Variants in PPP1R13L observed in about 807,000 individuals in gnomAD.
PPP1R13L encodes protein phosphatase 1 regulatory subunit 13 like, also known as relA-associated inhibitor.
In PPP1R13L, 50 loss-of-function variants were observed where a neutral mutation model predicts 80.9. The observed-to-expected ratio is 0.62, with a 90% CI of 0.49 to 0.78. The LOEUF is 0.78. Among genes scored for constraint, PPP1R13L ranks in the 30% least tolerant of loss-of-function variants. The pLI is 0.00. For synonymous variants in PPP1R13L, 602 were observed against 534.3 expected (o/e 1.13, Z -1.75); for missense variants, 1,200 against 1,205.9 (o/e 1.00, Z 0.07).
In PPP1R13L at chr19:45,385,890, T is replaced by C; in HGVS notation, c.2015A>G (p.Asn672Ser). Reference protein sequence around the residue: ...TALHNAICGANYSIVDFLITA... With the variant: ...TALHNAICGASYSIVDFLITA... The stretch of plus-strand genomic sequence containing the variant: ...GATGAGGAAATCCACGATAGAGTAG[T>C]TGGCGCCGCAGATGGCGTTGTGCAA... Residue 672 changes from asparagine (N) to serine (S), a missense_variant, in exon 10 of 13, where the codon AAC becomes AGC. By Grantham distance (46) the Asn-to-Ser change is conservative. Transcript: ENST00000360957. The C allele has an allele frequency of 6.2e-7, 1 of 1,611,408 alleles. No individual in the cohort carries two copies. The highest frequency in any genetic ancestry group is 8.5e-7 in the Non-Finnish European group (1 of 1,178,932).
intron 1 of PPP1R13L, among the ~76,000 whole-genome samples, chr19:45,399,172 T>G (rs1232359437): frequency 6.7e-6 from 1 of 148,548 alleles, no homozygotes; most frequent in African/African-American, 2.5e-5. Context: ...CTCGATCTCC[T>G]GACCGCGTGA....
chr19:45,395,796 A>G lies in PPP1R13L; in HGVS notation c.994T>C (p.Ser332Pro), dbSNP rs2123382512. ...CCCGACGGCCCCGCGGAGCCCAGCG[A>G]GCGCCGGTAGCTGCCCGCGTCTGAA... ...RRSDAGSYRR[S>P]LGSAGPSGTL... is the part of the protein sequence containing the mutation. The change falls in exon 7 of 13, where the codon TCG (serine) becomes CCG (proline). Residue 332 changes from serine to proline, a missense_variant. Ser to Pro is a moderately conservative substitution (Grantham distance 74). Coordinates refer to ENST00000360957, the MANE Select transcript of PPP1R13L (RefSeq NM_006663.4). 6.3e-7 allele frequency: 1 copy of G among 1,578,790 alleles called. No individual in the cohort carries two copies. Among genetic ancestry groups the G allele is most frequent in the Non-Finnish European group, 8.6e-7 (1 of 1,165,704 alleles).
chr19:45,396,915 G>T lies in PPP1R13L; in HGVS notation c.342C>A (p.Pro114=). Residue 114 remains proline, a synonymous_variant, in exon 4 of 13, where the codon CCC becomes CCA. Coordinates refer to ENST00000360957, the MANE Select transcript of PPP1R13L (RefSeq NM_006663.4). The surrounding 1 kb of genome is among the most constrained non-coding windows in gnomAD (Gnocchi z 5.3). ...PTLHPYSPLS[P]KGRPSSPRTP... is the part of the protein sequence containing the mutation. ...TGCGCGGCGACGACGGCCGTCCCTT[G>T]GGGGACAGCGGGCTGTAGGGGTGTA... The T allele has an allele frequency of 6.7e-7, 1 of 1,495,014 alleles. No homozygotes were observed. Among genetic ancestry groups the T allele is most frequent in the Non-Finnish European group, 8.8e-7 (1 of 1,130,908 alleles). 92.6% of individuals were successfully genotyped at this position (1,495,014 alleles called of 1,614,324 possible).
chr19:45,393,662 CAGG>C (rs1222919661), intron 7 of PPP1R13L, among the ~76,000 whole-genome samples: 5 of 152,096 alleles, frequency 3.3e-5, no homozygotes, highest in African/African-American at 1.2e-4. Flanking sequence ...ATCATGAGGT[CAGG>C]AGATCGAGAC....
rs1426977319 is a variant in PPP1R13L, at chr19:45,396,662, C to G, written c.595G>C (p.Glu199Gln). ...GGGGGGCGCGGTGACGGCCCACGCT[C>G]GGGGAAGAAGGCCTGGGGCCCCTCC... ...LAEGPQAFFPERGPSPRPPAT... is the reference protein window; with the variant it reads ...LAEGPQAFFPQRGPSPRPPAT... Residue 199 changes from glutamate to glutamine, a missense_variant, in exon 4 of 13, where the codon GAG becomes CAG. Glu to Gln is a conservative substitution (Grantham distance 29, BLOSUM62 2). Coordinates refer to ENST00000360957, the MANE Select transcript of PPP1R13L (RefSeq NM_006663.4). The surrounding 1 kb of genome is among the most constrained non-coding windows in gnomAD (Gnocchi z 5.3). The G allele has an allele frequency of 4.8e-6, 7 of 1,460,042 alleles. No individual in the cohort carries two copies. Among genetic ancestry groups the G allele is most frequent in the Non-Finnish European group, 6.3e-6 (7 of 1,116,900 alleles). 90.4% of individuals were successfully genotyped at this position (1,460,042 alleles called of 1,614,324 possible).
chr19:45,385,083 C>A (rs563983521), intron 11 of PPP1R13L, among the ~76,000 whole-genome samples: 1 of 152,136 alleles, frequency 6.6e-6, no homozygotes, highest in East Asian at 1.9e-4. Flanking sequence ...TCGCCCTGCC[C>A]GTCGGGGAAC....
intron 11 of PPP1R13L, among the ~76,000 whole-genome samples, chr19:45,383,168 G>A (rs1599761666): frequency 6.8e-6 from 1 of 146,992 alleles, no homozygotes; most frequent in East Asian, 2.0e-4. Flanking sequence ...CTAATTTTTG[G>A]TATTTTTAGT....
chr19:45,396,774 G>A lies in PPP1R13L; in HGVS notation c.483C>T (p.Pro161=), dbSNP rs1973108177. The change falls in exon 4 of 13, where the codon CCC becomes CCT. Residue 161 remains proline (P), a synonymous_variant. Coordinates refer to ENST00000360957, the MANE Select transcript of PPP1R13L (RefSeq NM_006663.4). This position sits in a 1 kb window ranked among gnomAD's most constrained non-coding sequence, Gnocchi z 5.3. ...SSLGRAPSPR[P]GPGPLRQQGP... The stretch of plus-strand genomic sequence containing the variant: ...CCTGCTGGCGGAGCGGGCCTGGCCC[G>A]GGCCGCGGGGAGGGCGCACGGCCGA... 2 of 1,354,644 alleles carry A rather than the reference G, an allele frequency of 1.5e-6. No homozygotes were observed. The highest frequency in any genetic ancestry group is 1.9e-6 in the Non-Finnish European group (2 of 1,063,942). 83.9% of individuals were successfully genotyped at this position (1,354,644 alleles called of 1,614,324 possible).
chr19:45,402,921 T>A (rs1973261746), intron 1 of PPP1R13L, among the ~76,000 whole-genome samples: 1 of 152,156 alleles, frequency 6.6e-6, no homozygotes, highest in Admixed American at 6.5e-5. Context: ...CAGACTGAGC[T>A]GGGAACACCC....
intron 1 of PPP1R13L, among the ~76,000 whole-genome samples, chr19:45,403,923 C>T (rs1973277862): frequency 6.6e-6 from 1 of 152,064 alleles, no homozygotes; most frequent in African/African-American, 2.4e-5. Context: ...CAGACAGACA[C>T]CTCCAGAATT....
chr19:45,392,379 G>A, intron 7 of PPP1R13L, 39 bp from the exon 8 acceptor site: 2 of 1,591,964 alleles, frequency 1.3e-6, no homozygotes, highest in Non-Finnish European at 1.7e-6. Context: ...CAGGTCCCCA[G>A]GAGACACCCA....
chr19:45,406,295 T>C, upstream of PPP1R13L: 2 of 1,077,750 alleles, frequency 1.9e-6, no homozygotes, highest in Non-Finnish European at 2.2e-6. This position sits in a 1 kb window ranked among gnomAD's most constrained non-coding sequence, Gnocchi z 4.2. Context: ...TTCTTACCTG[T>C]CTCTTCAAGA....
intron 8 of PPP1R13L, among the ~76,000 whole-genome samples, chr19:45,390,772 CA>C (rs1196913314): frequency 2.0e-5 from 3 of 152,050 alleles, no homozygotes; most frequent in African/African-American, 7.2e-5. Flanking sequence ...TTTTAGTAGA[CA>C]GGGGGTTTCA....
Position 45,396,127 on chromosome 19 carries a change from G to A in PPP1R13L, c.903+41C>T, listed in dbSNP as rs1243978873. ...ACCCCGCTCCCCCACCCCACTCCTC[G>A]ACCTTCCCCAGCCTCTCCTCCCCAG... On this transcript the variant is annotated intron_variant, in intron 6 of 12. Transcript: ENST00000360957. This position sits in a 1 kb window ranked among gnomAD's most constrained non-coding sequence, Gnocchi z 5.3. 2 of 1,551,982 alleles carry A rather than the reference G, an allele frequency of 1.3e-6. No homozygotes were observed. The highest frequency in any genetic ancestry group is 2.4e-5 in the East Asian group (1 of 41,642).
chr19:45,389,789 A>ATTTATTTATG (rs1972933912), intron 8 of PPP1R13L, among the ~76,000 whole-genome samples: 1 of 151,754 alleles, frequency 6.6e-6, no homozygotes, highest in Non-Finnish European at 1.5e-5. Context: ...TTATTTATTT[A>ATTTATTTATG]TTTATTTTTA....
In PPP1R13L at chr19:45,385,850, A is replaced by T. The variant is rs778678815; in HGVS notation, c.2055T>A (p.Asn685Lys). The T allele has an allele frequency of 6.2e-7, 1 of 1,611,250 alleles. No individual in the cohort carries two copies. ...IVDFLITAGA[N>K]VNSPDSHGWT... ...AGCCGTGGCTGTCGGGGGAGTTGAC[A>T]TTGGCACCCGCGGTGATGAGGAAAT... The change falls in exon 10 of 13, where the codon AAT becomes AAA. Residue 685 changes from asparagine (N) to lysine (K), a missense_variant. Transcript: ENST00000360957.
intron 7 of PPP1R13L, among the ~76,000 whole-genome samples, chr19:45,393,411 C>T (rs989049330): frequency 1.6e-4 from 24 of 147,042 alleles, no homozygotes; most frequent in Non-Finnish European, 3.6e-4. Flanking sequence ...GCCAACATGG[C>T]AAAACCTCAT....
At position 45,395,522 on chromosome 19, in the gene PPP1R13L, TG is replaced by T; in HGVS notation, c.1267del (p.Gln423SerfsTer27). 1.4e-6 allele frequency: 2 copies of T among 1,474,898 alleles called. No homozygotes were observed. Among genetic ancestry groups the T allele is most frequent in the Non-Finnish European group, 1.8e-6 (2 of 1,108,364 alleles). 91.4% of individuals were successfully genotyped at this position (1,474,898 alleles called of 1,614,324 possible). On this transcript the variant is annotated frameshift_variant, in exon 7 of 13. Coordinates refer to ENST00000360957, the MANE Select transcript of PPP1R13L (RefSeq NM_006663.4). LOFTEE classifies it high-confidence loss of function. The part of the protein sequence containing the change: ...QPQPQSQPQP[Q>X]LPPQPQTQPQ... ...TTGGGTCTGGGGCTGTGGGGGCAGCTGGGGCTGTGGTTGTGATTGTGGCTGG... is the reference window on the plus strand; with the variant it reads ...TTGGGTCTGGGGCTGTGGGGGCAGCTGGGCTGTGGTTGTGATTGTGGCTGG...
intron 8 of PPP1R13L, among the ~76,000 whole-genome samples, chr19:45,390,947 C>A (rs961281440): frequency 2.0e-5 from 3 of 152,018 alleles, no homozygotes; most frequent in Non-Finnish European, 4.4e-5. Flanking sequence ...CCTCTAACTG[C>A]AGCAATTTGG....
Sources: allele counts gnomAD v4.1 joint callset (sites outside exome capture counted in the v4.1 genomes callset), GRCh38; gene constraint gnomAD v4.1.1; non-coding constraint Gnocchi (gnomAD v3.1); transcripts MANE v1.5; gene names NCBI Gene and HGNC (gene_info 2026-07-23, HGNC 2026-07-21).